ZNF407: variants seen among roughly 807,000 people sequenced by gnomAD.
The protein encoded by ZNF407 is zinc finger protein 407.
A neutral mutation model predicts 131.2 loss-of-function variants in ZNF407; 17 were observed. The ratio of observed to expected loss-of-function variants is 0.13; its 90% confidence interval spans 0.09 to 0.19. ZNF407 has a LOEUF of 0.19. Among genes scored for constraint, ZNF407 ranks in the 10% least tolerant of loss-of-function variants. The probability of loss-of-function intolerance (pLI) is 1.00; values close to 1 mark genes in which losing one functional copy is unlikely to be tolerated. For missense variants in ZNF407, 2,681 were observed against 2,830.6 expected (o/e 0.95, Z 1.20); for synonymous variants, 1,156 against 1,062.0 (o/e 1.09, Z -1.72).
chr18:74,702,796 T>A (rs774377656), intron 3 of ZNF407, among the ~76,000 whole-genome samples: 2 of 152,154 alleles, frequency 1.3e-5, no homozygotes, highest in Non-Finnish European at 2.9e-5. Context: ...TACATAGACA[T>A]GTACATGGGT....
At chr18:74,925,630 C>A (rs1370419453) in intron 8 of ZNF407, among the ~76,000 whole-genome samples, 4 of 152,198 alleles carry the variant, frequency 2.6e-5, no homozygotes, top group Non-Finnish European at 4.4e-5. Flanking sequence ...GTTGCTTTCA[C>A]CCCCTTTTGT....
intron 7 of ZNF407, among the ~76,000 whole-genome samples, chr18:74,899,333 C>T (rs1971492971): frequency 6.6e-6 from 1 of 152,094 alleles, no homozygotes; most frequent in Non-Finnish European, 1.5e-5. Context: ...CAGAGAGTGG[C>T]AGGTGATGGG....
chr18:74,819,939 C>T (rs1383570330), intron 4 of ZNF407, among the ~76,000 whole-genome samples: 2 of 152,136 alleles, frequency 1.3e-5, no homozygotes, highest in Non-Finnish European at 2.9e-5. Flanking sequence ...CGGCGCAGTG[C>T]CTGGCCTGTA....
intron 8 of ZNF407, among the ~76,000 whole-genome samples, chr18:74,962,389 T>A (rs1206884849): frequency 6.6e-6 from 1 of 152,246 alleles, no homozygotes; most frequent in Non-Finnish European, 1.5e-5. Context: ...CTTAAACATC[T>A]GTCAGATGCA....
chr18:74,982,662 G>A (rs778478772), intron 8 of ZNF407, among the ~76,000 whole-genome samples: 6 of 152,168 alleles, frequency 3.9e-5, no homozygotes, highest in Non-Finnish European at 8.8e-5. Flanking sequence ...TCTTAGGAGC[G>A]TCACCTCTGT....
chr18:74,765,071 G>A (rs1054605953), intron 3 of ZNF407, among the ~76,000 whole-genome samples: 1 of 152,106 alleles, frequency 6.6e-6, no homozygotes, highest in African/African-American at 2.4e-5. Context: ...TTGTTCAAGG[G>A]TCATCTATAC....
chr18:74,766,716 A>G (rs1208291189), intron 3 of ZNF407, among the ~76,000 whole-genome samples: 1 of 152,182 alleles, frequency 6.6e-6, no homozygotes, highest in South Asian at 2.1e-4. Flanking sequence ...ATGCTAGCCT[A>G]TTACCAAAAG....
intron 3 of ZNF407, among the ~76,000 whole-genome samples, chr18:74,712,691 G>C (rs917564902): frequency 1.3e-5 from 2 of 152,278 alleles, no homozygotes; most frequent in Admixed American, 6.5e-5. Flanking sequence ...AGAGAATGTA[G>C]AGGACTATTG....
intron 7 of ZNF407, among the ~76,000 whole-genome samples, chr18:74,901,751 C>G (rs1971528127): frequency 6.6e-6 from 1 of 152,180 alleles, no homozygotes; most frequent in South Asian, 2.1e-4. Flanking sequence ...AATGATTATG[C>G]AATCCAGCTC....
At chr18:74,598,987 G>A (rs941786832) in intron 1 of ZNF407, among the ~76,000 whole-genome samples, 1 of 152,196 alleles carries the variant, frequency 6.6e-6, no homozygotes, top group African/African-American at 2.4e-5. Context: ...TTACAGCTTT[G>A]CAGTCTATGC....
In ZNF407 at chr18:74,757,420, G is replaced by T. The variant is rs1968989491; in HGVS notation, c.4803-24008G>T. Among the ~76,000 whole-genome samples the T allele has an allele frequency of 3.3e-5, 5 of 151,944 alleles. No homozygotes were observed. In the South Asian group the frequency reaches 8.3e-4, roughly 25 times the overall value. ...TTCTTCTTTGACCCACTGTATTTAT[G>T]AGTATGTTTCATTAACACATATTTG... On this transcript the variant is annotated intron_variant, in intron 3 of 8. Transcript: ENST00000299687.
At chr18:74,692,165 A>G (rs1168074297) in intron 3 of ZNF407, among the ~76,000 whole-genome samples, 3 of 152,078 alleles carry the variant, frequency 2.0e-5, no homozygotes, top group Admixed American at 1.3e-4. Context: ...ATACATATAT[A>G]TATGCCTGAT....
At chr18:74,846,251 C>T (rs1970700967) in intron 4 of ZNF407, among the ~76,000 whole-genome samples, 1 of 152,050 alleles carries the variant, frequency 6.6e-6, no homozygotes, top group African/African-American at 2.4e-5. Flanking sequence ...TCCTAACAAA[C>T]AGCTTAAAGT....
intron 8 of ZNF407, among the ~76,000 whole-genome samples, chr18:75,058,851 C>T (rs2122284377): frequency 6.6e-6 from 1 of 152,358 alleles, no homozygotes; most frequent in South Asian, 2.1e-4. Flanking sequence ...ACTTGAACTT[C>T]TACATAGCTC....
intron 8 of ZNF407, among the ~76,000 whole-genome samples, chr18:75,028,114 G>A (rs535193681): frequency 3.3e-5 from 5 of 152,160 alleles, no homozygotes; most frequent in South Asian, 2.1e-4. Flanking sequence ...AAACATGAAC[G>A]CTCATTGAAC....
chr18:74,951,914 A>G (rs978793251), intron 8 of ZNF407, among the ~76,000 whole-genome samples: 2 of 152,118 alleles, frequency 1.3e-5, no homozygotes, highest in African/African-American at 2.4e-5. Context: ...CAGTAATTCT[A>G]GGAAACTTCT....
intron 3 of ZNF407, among the ~76,000 whole-genome samples, chr18:74,678,707 G>C (rs141961791): frequency 2.6e-5 from 4 of 152,070 alleles, no homozygotes; most frequent in Non-Finnish European, 4.4e-5. Context: ...AAATTGCCTC[G>C]TTTGAAATTA....
chr18:74,920,472 G>A, intron 7 of ZNF407, 42 bp from the exon 8 acceptor site: 1 of 1,499,296 alleles, frequency 6.7e-7, no homozygotes, highest in Admixed American at 1.9e-5. Flanking sequence ...AAGGTTATTG[G>A]TTTGACCTTA....
intron 4 of ZNF407, among the ~76,000 whole-genome samples, chr18:74,824,902 CACA>C (rs1174221827): frequency 2.6e-5 from 4 of 152,230 alleles, no homozygotes; most frequent in African/African-American, 7.2e-5. Flanking sequence ...CTGTCAGAGA[CACA>C]ACAACAAAAA....
Sources: allele counts gnomAD v4.1 joint callset (sites outside exome capture counted in the v4.1 genomes callset), GRCh38; gene constraint gnomAD v4.1.1; transcripts MANE v1.5; gene names NCBI Gene and HGNC (gene_info 2026-07-23, HGNC 2026-07-21).